RBX1: variants seen among roughly 807,000 people sequenced by gnomAD.
RBX1 encodes ring-box 1.
For missense variants in RBX1, 46 were observed against 141.4 expected (o/e 0.33, Z 3.42); for synonymous variants, 48 against 47.9 (o/e 1.00, Z -0.01).
At chr22:40,971,245 C>T (rs2058368346) in intron 4 of RBX1, among the ~76,000 whole-genome samples, 1 of 152,294 alleles carries the variant, frequency 6.6e-6, no homozygotes, top group Non-Finnish European at 1.5e-5. Context: ...TGGTAGTTAT[C>T]AGTGCTTTGG....
intron 2 of RBX1, among the ~76,000 whole-genome samples, chr22:40,962,969 T>G (rs534747773): frequency 6.6e-6 from 1 of 151,804 alleles, no homozygotes; most frequent in South Asian, 2.1e-4. Flanking sequence ...GTGCTGAGAT[T>G]ACAGGAGTGA....
At chr22:40,969,168 C>T (rs1304831310) in intron 4 of RBX1, among the ~76,000 whole-genome samples, 1 of 151,810 alleles carries the variant, frequency 6.6e-6, no homozygotes, top group Non-Finnish European at 1.5e-5. Context: ...GCAAAATCAG[C>T]TGGGCGTGGG....
At position 40,960,277 on chromosome 22, in the gene RBX1, G is replaced by A. The variant is rs1321057823; in HGVS notation, c.158-3770G>A. On this transcript the variant is annotated intron_variant, in intron 2 of 4. Transcript: ENST00000216225. The stretch of plus-strand genomic sequence containing the variant: ...GTTGAGGGGGAAGGAGGGAGGTCAG[G>A]TATGTAAAGAGATACTCATAATTGA... 3.9e-5 allele frequency among the ~76,000 whole-genome samples: 6 copies of A among 152,246 alleles called. No homozygotes were observed. In the East Asian group the frequency reaches 1.2e-3, roughly 29 times the overall value.
At chr22:40,968,093 T>TC (rs1204077537) in intron 4 of RBX1, among the ~76,000 whole-genome samples, 7 of 147,296 alleles carry the variant, frequency 4.8e-5, no homozygotes, top group Admixed American at 4.1e-4. Context: ...ACCTTTTTTT[T>TC]TTTTTTTTTT....
intron 1 of RBX1, 57 bp downstream of exon 1, chr22:40,951,533 C>A (rs1367694867): frequency 1.3e-6 from 2 of 1,550,098 alleles, no homozygotes; most frequent in Non-Finnish European, 1.8e-6. Flanking sequence ...ATCTGGCTGG[C>A]AGGCCCGAGG....
At chr22:40,970,993 G>T in intron 4 of RBX1, among the ~76,000 whole-genome samples, 1 of 152,108 alleles carries the variant, frequency 6.6e-6, no homozygotes, top group Non-Finnish European at 1.5e-5. Flanking sequence ...CCTGCCCTTG[G>T]AGCTTGCATT....
At chr22:40,954,136 G>A (rs537926274) in intron 2 of RBX1, among the ~76,000 whole-genome samples, 2 of 152,164 alleles carry the variant, frequency 1.3e-5, no homozygotes, top group South Asian at 2.1e-4. Flanking sequence ...GGGCGTACTG[G>A]TGCATGTCTG....
chr22:40,968,532 T>C (rs559086600), intron 4 of RBX1, among the ~76,000 whole-genome samples: 16 of 152,220 alleles, frequency 1.1e-4, no homozygotes, highest in Non-Finnish European at 1.3e-4. Context: ...TATCCACTTA[T>C]CATATTTCAC....
chr22:40,956,383 C>A (rs891090393), intron 2 of RBX1, among the ~76,000 whole-genome samples: 3 of 149,900 alleles, frequency 2.0e-5, no homozygotes, highest in African/African-American at 7.4e-5. Context: ...TGAGATCGGG[C>A]AGGTCTTTAC....
rs1465910648 is a variant in RBX1, at chr22:40,967,813, C to T, written c.243C>T (p.Phe81=). The part of the protein sequence containing the change: ...AWGVCNHAFH[F]HCISRWLKTR... ...TTTTCTTTCAGCATGCTTTTCACTT[C>T]CACTGCATCTCTCGCTGGCTCAAAA... is the stretch of plus-strand genomic sequence containing the variant. Residue 81 remains phenylalanine (F), a synonymous_variant, in exon 4 of 5, where the codon TTC becomes TTT. Transcript: ENST00000216225. The T allele has an allele frequency of 3.1e-6, 5 of 1,613,562 alleles. No individual in the cohort carries two copies. Among genetic ancestry groups the T allele is most frequent in the Non-Finnish European group, 1.7e-6 (2 of 1,179,564 alleles).
intron 2 of RBX1, among the ~76,000 whole-genome samples, chr22:40,959,271 T>C (rs2058333578): frequency 6.6e-6 from 1 of 152,192 alleles, no homozygotes; most frequent in Non-Finnish European, 1.5e-5. Context: ...GGGTGTGACA[T>C]GAACCCGTTA....
chr22:40,959,434 C>A (rs918614161), intron 2 of RBX1, among the ~76,000 whole-genome samples: 1 of 152,194 alleles, frequency 6.6e-6, no homozygotes, highest in South Asian at 2.1e-4. Context: ...ATTTTCCCTG[C>A]TATATCCCTT....
In RBX1 at chr22:40,961,312, T is replaced by G. The variant is rs117192134; in HGVS notation, c.158-2735T>G. Among the ~76,000 whole-genome samples, 1,121 of 152,098 alleles carry G rather than the reference T, an allele frequency of 7.4e-3. 112 individuals carry two copies. The East Asian group carries it at 0.2, about 27-fold the overall frequency. On this transcript the variant is annotated intron_variant, in intron 2 of 4. Transcript: ENST00000216225. Reference sequence around the variant, plus strand: ...GTTGCCCAGCCTGGTCTTGAATTCGTGGGCTAAAGTGATCCTGCTGCCTTG... The same window carrying G: ...GTTGCCCAGCCTGGTCTTGAATTCGGGGGCTAAAGTGATCCTGCTGCCTTG...
rs1003392589 is a variant in RBX1 at position 40,971,861 on chromosome 22, T to C, written c.315-615T>C. On this transcript the variant is annotated intron_variant, in intron 4 of 4. Coordinates refer to ENST00000216225, the MANE Select transcript of RBX1 (RefSeq NM_014248.4). ...AGTGAGCCACTGCACCCGGCCCCCG[T>C]TAATTTTTATAATCTTCTTAGAGCC... Among the ~76,000 whole-genome samples the C allele has an allele frequency of 3.3e-5, 5 of 152,026 alleles. No individual in the cohort carries two copies. The South Asian group carries it at 1.0e-3, about 32-fold the overall frequency.
intron 2 of RBX1, among the ~76,000 whole-genome samples, chr22:40,954,680 G>GCC (rs1351034587): frequency 6.6e-6 from 1 of 151,296 alleles, no homozygotes; most frequent in Non-Finnish European, 1.5e-5. Context: ...TCACTCACCT[G>GCC]CCTTTACAAC....
In RBX1 at chr22:40,951,379, A is replaced by C; in HGVS notation, c.-20A>C. 5.6e-6 allele frequency: 9 copies of C among 1,610,998 alleles called. No homozygotes were observed. The highest frequency in any genetic ancestry group is 7.6e-6 in the Non-Finnish European group (9 of 1,178,132). On this transcript the variant is annotated 5_prime_UTR_variant, in exon 1 of 5. Coordinates refer to ENST00000216225, the MANE Select transcript of RBX1 (RefSeq NM_014248.4). ...GCTGCGCAGGCGCGGTGGTCGGACG[A>C]CAGACCGTGTGTTTCCAAAATGGCG...
chr22:40,959,815 GA>G (rs933905380), intron 2 of RBX1, among the ~76,000 whole-genome samples: 6 of 151,156 alleles, frequency 4.0e-5, no homozygotes, highest in Non-Finnish European at 8.9e-5. Context: ...CTGTCTAAAA[GA>G]AAAAAAGGAA....
chr22:40,969,323 T>C (rs2058362297), intron 4 of RBX1, among the ~76,000 whole-genome samples: 1 of 152,198 alleles, frequency 6.6e-6, no homozygotes, highest in African/African-American at 2.4e-5. Context: ...AGTCAGTCCC[T>C]ATTGGTGGAC....
chr22:40,956,456 T>C (rs1172088786), intron 2 of RBX1, among the ~76,000 whole-genome samples: 1 of 150,810 alleles, frequency 6.6e-6, no homozygotes, highest in African/African-American at 2.4e-5. Flanking sequence ...TTCAAGTGAT[T>C]CTCCTGCGTC....
Sources: allele counts gnomAD v4.1 joint callset (sites outside exome capture counted in the v4.1 genomes callset), GRCh38; gene constraint gnomAD v4.1.1; transcripts MANE v1.5; gene names NCBI Gene and HGNC (gene_info 2026-07-23, HGNC 2026-07-21).